Variants in CACNB2 observed in about 807,000 individuals in gnomAD.
CACNB2 encodes the protein voltage-dependent L-type calcium channel subunit beta-2.
Under a neutral mutation model 73.3 loss-of-function variants are expected in CACNB2, and 42 were observed. That is an observed-to-expected ratio of 0.57 (90% CI 0.45 to 0.74). CACNB2 has a LOEUF of 0.74. CACNB2 is among the 30% of genes least tolerant of loss of function. The pLI, the probability that CACNB2 is intolerant of heterozygous loss-of-function variation, is 0.00. For missense variants in CACNB2, 940 were observed against 853.0 expected (o/e 1.10, Z -1.27); for synonymous variants, 348 against 310.3 (o/e 1.12, Z -1.28).
intron 12 of CACNB2, among the ~76,000 whole-genome samples, chr10:18,536,482 G>C (rs1451133797): frequency 6.6e-6 from 1 of 150,946 alleles, no homozygotes; most frequent in Non-Finnish European, 1.5e-5. Context: ...GGCTGGTCTA[G>C]AACTCCTGGC....
At chr10:18,315,486 C>A (rs1359576631) in intron 2 of CACNB2, among the ~76,000 whole-genome samples, 2 of 106,990 alleles carry the variant, frequency 1.9e-5, no homozygotes, top group Non-Finnish European at 3.6e-5. Context: ...CAAAAAGAGA[C>A]CTTGTCTCTA....
chr10:18,434,650 C>T (rs974017064), intron 3 of CACNB2, among the ~76,000 whole-genome samples: 14 of 152,148 alleles, frequency 9.2e-5, no homozygotes, highest in African/African-American at 3.4e-4. Context: ...ATCCACCCAC[C>T]TTGGCCTCCC....
chr10:18,522,669 A>C (rs2133193965), intron 9 of CACNB2, among the ~76,000 whole-genome samples: 1 of 152,056 alleles, frequency 6.6e-6, no homozygotes. Context: ...AATGAGGTCA[A>C]GTGTTCGAGA....
chr10:18,202,831 C>G (rs2034940305), intron 2 of CACNB2, among the ~76,000 whole-genome samples: 1 of 152,182 alleles, frequency 6.6e-6, no homozygotes, highest in African/African-American at 2.4e-5. Flanking sequence ...TTTCAGGAAG[C>G]ACATACTTTG....
chr10:18,394,160 TC>T (rs2043608026), intron 2 of CACNB2, among the ~76,000 whole-genome samples: 1 of 58,384 alleles, frequency 1.7e-5, no homozygotes, highest in African/African-American at 6.0e-5. Flanking sequence ...CAGGCTGGTC[TC>T]TTGGCCAGGC....
At chr10:18,514,608 A>G (rs2051095728) in intron 7 of CACNB2, 1 of 1,508,798 alleles carries the variant, frequency 6.6e-7, no homozygotes, top group African/African-American at 1.4e-5. Context: ...TGTATTAAAT[A>G]CAATCATTTC....
intron 2 of CACNB2, among the ~76,000 whole-genome samples, chr10:18,213,484 C>G (rs1329835105): frequency 2.0e-5 from 3 of 152,112 alleles, no homozygotes; most frequent in Admixed American, 6.6e-5. Flanking sequence ...TTTCATGATG[C>G]CAGAAAGTCA....
At chr10:18,424,546 T>C (rs1035445383) in intron 3 of CACNB2, among the ~76,000 whole-genome samples, 1 of 152,152 alleles carries the variant, frequency 6.6e-6, no homozygotes, top group Non-Finnish European at 1.5e-5. Flanking sequence ...CTCAGTCTGG[T>C]CGGGTGTCCG....
chr10:18,180,608 G>C (rs1436839431), intron 2 of CACNB2, among the ~76,000 whole-genome samples: 2 of 152,118 alleles, frequency 1.3e-5, no homozygotes, highest in Non-Finnish European at 2.9e-5. Flanking sequence ...ATTAGGGACA[G>C]TGTAAACCAC....
intron 2 of CACNB2, among the ~76,000 whole-genome samples, chr10:18,172,939 T>TTTTTTTTTTA (rs1554765028): frequency 6.7e-6 from 1 of 150,166 alleles, no homozygotes; most frequent in African/African-American, 2.5e-5. Flanking sequence ...TTTTTTTTTT[T>TTTTTTTTTTA]AAATGGAGTT....
chr10:18,427,535 G>C (rs1160664524), intron 3 of CACNB2, among the ~76,000 whole-genome samples: 1 of 152,076 alleles, frequency 6.6e-6, no homozygotes, highest in African/African-American at 2.4e-5. Flanking sequence ...CTCTTCTTGG[G>C]AAGAGTTTGT....
chr10:18,351,404 G>A (rs563664888), intron 2 of CACNB2, among the ~76,000 whole-genome samples: 7 of 152,178 alleles, frequency 4.6e-5, no homozygotes, highest in Admixed American at 2.0e-4. Context: ...AATATACTAC[G>A]TATTCAGTGA....
intron 2 of CACNB2, among the ~76,000 whole-genome samples, chr10:18,193,140 A>G (rs925398686): frequency 6.6e-6 from 1 of 152,208 alleles, no homozygotes; most frequent in Non-Finnish European, 1.5e-5. Flanking sequence ...GGTAATTAGC[A>G]TATCCATCAC....
intron 2 of CACNB2, among the ~76,000 whole-genome samples, chr10:18,175,161 A>G (rs1333528912): frequency 3.9e-5 from 6 of 152,164 alleles, no homozygotes; most frequent in African/African-American, 1.2e-4. Context: ...TTAATGTTAG[A>G]AACAATATAA....
At chr10:18,309,921 A>G (rs1193884986) in intron 2 of CACNB2, among the ~76,000 whole-genome samples, 1 of 152,244 alleles carries the variant, frequency 6.6e-6, no homozygotes, top group Non-Finnish European at 1.5e-5. Flanking sequence ...AACTAATTTT[A>G]AAATTAACAT....
At chr10:18,292,649 C>T (rs955013639) in intron 2 of CACNB2, among the ~76,000 whole-genome samples, 1 of 152,058 alleles carries the variant, frequency 6.6e-6, no homozygotes, top group Non-Finnish European at 1.5e-5. Context: ...GAGTGAGACT[C>T]CATCTCAAAA....
At chr10:18,530,695 G>C (rs1186294314) in intron 10 of CACNB2, among the ~76,000 whole-genome samples, 5 of 152,162 alleles carry the variant, frequency 3.3e-5, no homozygotes, top group Non-Finnish European at 7.4e-5. Context: ...CTCTTATAAA[G>C]TTGAAAAATC....
At chr10:18,298,474 T>A (rs1326741625) in intron 2 of CACNB2, among the ~76,000 whole-genome samples, 1 of 152,130 alleles carries the variant, frequency 6.6e-6, no homozygotes, top group Non-Finnish European at 1.5e-5. Context: ...ATGTCATAGA[T>A]CATTTTAAAT....
At chr10:18,521,469 A>T (rs1187390249) in intron 9 of CACNB2, among the ~76,000 whole-genome samples, 1 of 152,202 alleles carries the variant, frequency 6.6e-6, no homozygotes, top group Non-Finnish European at 1.5e-5. Flanking sequence ...CAAGGGTCAT[A>T]TCTAGTGTGT....
Sources: allele counts gnomAD v4.1 joint callset (sites outside exome capture counted in the v4.1 genomes callset), GRCh38; gene constraint gnomAD v4.1.1; transcripts MANE v1.5; gene names NCBI Gene and HGNC (gene_info 2026-07-23, HGNC 2026-07-21).